Variants in PRH1 observed in about 807,000 individuals in gnomAD.
PRH1 encodes salivary acidic proline-rich phosphoprotein 1/2.
Under a neutral mutation model 7.9 loss-of-function variants are expected in PRH1, and 7 were observed. The ratio of observed to expected loss-of-function variants is 0.89; its 90% confidence interval spans 0.50 to 1.67. The LOEUF (loss-of-function observed/expected upper bound fraction) is 1.67, where lower values mean the gene tolerates loss of function less well. Ranked by LOEUF, PRH1 falls within the 40% of genes most tolerant of loss-of-function variation. The probability of loss-of-function intolerance (pLI) is 0.00; values close to 1 mark genes in which losing one functional copy is unlikely to be tolerated. For synonymous variants in PRH1, 45 were observed against 80.8 expected (o/e 0.56, Z 2.38); for missense variants, 109 against 223.6 (o/e 0.49, Z 3.27).
intron 2 of PRH1, among the ~76,000 whole-genome samples, chr12:10,969,936 G>A (rs1481709529): frequency 2.0e-5 from 3 of 152,092 alleles, no homozygotes. Context: ...GAGTAGCTGG[G>A]ATTAAAGGCA....
At chr12:10,952,599 C>T (rs1300514391) in intron 2 of PRH1, among the ~76,000 whole-genome samples, 1 of 151,898 alleles carries the variant, frequency 6.6e-6, no homozygotes, top group Non-Finnish European at 1.5e-5. Flanking sequence ...CAATGAAACA[C>T]AATTGACTGT....
At chr12:10,907,757 T>C (rs1949826597) in intron 2 of PRH1, among the ~76,000 whole-genome samples, 1 of 152,150 alleles carries the variant, frequency 6.6e-6, no homozygotes, top group Admixed American at 6.5e-5. Flanking sequence ...TTTTATTATA[T>C]GTAAATTATA....
chr12:10,986,236 T>A (rs143277774), intron 1 of PRH1: 3 of 1,614,036 alleles, frequency 1.9e-6, no homozygotes, highest in African/African-American at 2.7e-5. Context: ...TGGAGCTGCA[T>A]CTTCTTGAGA....
At chr12:10,955,588 A>C (rs569505250) in intron 2 of PRH1, among the ~76,000 whole-genome samples, 1 of 152,288 alleles carries the variant, frequency 6.6e-6, no homozygotes, top group South Asian at 2.1e-4. Flanking sequence ...ATCAGAGCTG[A>C]ACTGAAGGAA....
chr12:10,994,324 G>C (rs1381784921), intron 1 of PRH1, among the ~76,000 whole-genome samples: 4 of 152,172 alleles, frequency 2.6e-5, no homozygotes, highest in African/African-American at 9.7e-5. Context: ...GGAAACCCTG[G>C]CCAGTGGGAA....
chr12:10,912,338 C>A (rs542345506), intron 2 of PRH1, among the ~76,000 whole-genome samples: 1 of 152,196 alleles, frequency 6.6e-6, no homozygotes, highest in East Asian at 1.9e-4. Context: ...CTTGTTTTGG[C>A]AGTTACGACT....
intron 2 of PRH1, among the ~76,000 whole-genome samples, chr12:10,907,122 T>C (rs1480272579): frequency 6.6e-6 from 1 of 152,124 alleles, no homozygotes; most frequent in Admixed American, 6.5e-5. Flanking sequence ...GTGAAATAAC[T>C]GAAACACTCG....
chr12:11,009,336 A>C (rs1269528726), intron 1 of PRH1, among the ~76,000 whole-genome samples: 1 of 151,858 alleles, frequency 6.6e-6, no homozygotes, highest in African/African-American at 2.4e-5. Flanking sequence ...CAGATTTTCT[A>C]TTGGTCTTTG....
downstream of PRH1, among the ~76,000 whole-genome samples, chr12:11,119,927 G>A (rs1226824804): frequency 6.6e-6 from 1 of 152,152 alleles, no homozygotes; most frequent in East Asian, 1.9e-4. Context: ...CTGGCTATTT[G>A]TTTGGATTAC....
At chr12:10,917,172 T>C (rs185737852) in intron 2 of PRH1, among the ~76,000 whole-genome samples, 28 of 152,268 alleles carry the variant, frequency 1.8e-4, no homozygotes, top group African/African-American at 5.8e-4. Context: ...ATGAGGTCAT[T>C]GAAGCAGATA....
intron 2 of PRH1, among the ~76,000 whole-genome samples, chr12:10,933,653 A>C (rs1950245381): frequency 6.6e-6 from 1 of 152,070 alleles, no homozygotes; most frequent in Non-Finnish European, 1.5e-5. Context: ...GATAATATTT[A>C]ATATATTTTT....
At chr12:10,973,879 C>T (rs369164944) in intron 1 of PRH1, among the ~76,000 whole-genome samples, 19 of 152,236 alleles carry the variant, frequency 1.2e-4, no homozygotes, top group African/African-American at 2.4e-4. Context: ...CAAATTCTGG[C>T]GGGCTTTTTT....
At chr12:11,068,315 A>C (rs1170980257) in intron 1 of PRH1, among the ~76,000 whole-genome samples, 1 of 152,194 alleles carries the variant, frequency 6.6e-6, no homozygotes, top group East Asian at 1.9e-4. Flanking sequence ...TTTTTCTTGA[A>C]CTTTATGTAA....
chr12:11,130,934 C>A lies in PRH1; in HGVS notation n.40-9754G>T, dbSNP rs112876373. On this transcript the variant is annotated intron_variant and non_coding_transcript_variant, in intron 1 of 1. Coordinates refer to the PRH1 transcript ENST00000541175. ...TGGCACAAGGAGTGGTGGTATTGGA[C>A]ACAAACATGTGCTTTCTCAGATTCC... is the stretch of plus-strand genomic sequence containing the variant. Among the ~76,000 whole-genome samples the A allele has an allele frequency of 3.1e-3, 469 of 151,876 alleles. 1 individual carries two copies. The highest frequency in any genetic ancestry group is 5.0e-3 in the Non-Finnish European group (337 of 67,952).
chr12:11,030,127 A>C (rs1462329816), intron 1 of PRH1, among the ~76,000 whole-genome samples: 1 of 152,290 alleles, frequency 6.6e-6, no homozygotes, highest in African/African-American at 2.4e-5. Context: ...CAAAATTCTA[A>C]GAAATTTTTG....
chr12:11,031,358 T>G (rs1264060504), intron 1 of PRH1: 3 of 1,533,406 alleles, frequency 2.0e-6, no homozygotes, highest in Non-Finnish European at 2.7e-6. Flanking sequence ...AAAAAAAAAT[T>G]GTTTTAATGC....
At chr12:10,986,331 A>C (rs1298268272) in intron 1 of PRH1, 2 of 1,614,032 alleles carry the variant, frequency 1.2e-6, no homozygotes, top group Admixed American at 3.3e-5. Context: ...AGTTACAGTC[A>C]AATATGAAAG....
chr12:11,104,817 A>C (rs1245116841), intron 1 of PRH1, among the ~76,000 whole-genome samples: 2 of 152,136 alleles, frequency 1.3e-5, no homozygotes, highest in Non-Finnish European at 2.9e-5. Context: ...TTTCCAAAAT[A>C]AATAATGTTG....
chr12:11,050,499 C>T (rs556405247), upstream of PRH1, among the ~76,000 whole-genome samples: 4 of 152,200 alleles, frequency 2.6e-5, no homozygotes, highest in Admixed American at 6.5e-5. Context: ...ATGGCCATCA[C>T]GAACATGTCA....
Sources: allele counts gnomAD v4.1 joint callset (sites outside exome capture counted in the v4.1 genomes callset), GRCh38; gene constraint gnomAD v4.1.1; transcripts MANE v1.5; gene names NCBI Gene and HGNC (gene_info 2026-07-23, HGNC 2026-07-21).